The following GRM7 variants were observed in gnomAD, a reference collection of about 807,000 sequenced individuals.
GRM7 encodes glutamate metabotropic receptor 7.
Under a neutral mutation model 84.5 loss-of-function variants are expected in GRM7, and 35 were observed. The observed-to-expected ratio is 0.41, with a 90% CI of 0.32 to 0.55. The LOEUF is 0.55. Among genes scored for constraint, GRM7 ranks in the 20% least tolerant of loss-of-function variants. The pLI is 0.19. For synonymous variants in GRM7, 487 were observed against 455.1 expected (o/e 1.07, Z -0.89); for missense variants, 1,003 against 1,194.6 (o/e 0.84, Z 2.36).
chr3:7,431,728 TTTGGGAGTGTAGAAAACA>T (rs1696837739), intron 5 of GRM7, among the ~76,000 whole-genome samples: 1 of 152,126 alleles, frequency 6.6e-6, no homozygotes, highest in Non-Finnish European at 1.5e-5. Context: ...TGAGGACAGT[TTTGGGAGTGTAGAAAACA>T]TTGCATGAAT....
At chr3:7,464,141 C>G (rs1015775221) in intron 7 of GRM7, among the ~76,000 whole-genome samples, 1 of 152,114 alleles carries the variant, frequency 6.6e-6, no homozygotes. Flanking sequence ...CGGGAAGCCT[C>G]AATATTTGCT....
chr3:6,960,101 A>T (rs891306758), intron 1 of GRM7, among the ~76,000 whole-genome samples: 1 of 152,206 alleles, frequency 6.6e-6, no homozygotes, highest in Non-Finnish European at 1.5e-5. Context: ...TCTAGTGTTA[A>T]ATCAGGCAAA....
Position 7,737,092 on chromosome 3 carries a change from A to G in GRM7, c.2699-3265A>G, listed in dbSNP as rs190564600. Among the ~76,000 whole-genome samples, 433 of 152,298 alleles carry G rather than the reference A, an allele frequency of 2.8e-3. 7 individuals are homozygous for G. Among genetic ancestry groups the G allele is most frequent in the Middle Eastern group, 0.02 (6 of 294 alleles). ...TGTTCCATAGAATGCACTTTGAGGA[A>G]TGAAATTTTTGTAAGACAAAAAAGC... On this transcript the variant is annotated intron_variant, in intron 9 of 9. Transcript: ENST00000357716.
intron 4 of GRM7, among the ~76,000 whole-genome samples, chr3:7,398,681 TGGG>T (rs577996740): frequency 5.3e-5 from 8 of 151,986 alleles, no homozygotes; most frequent in South Asian, 2.1e-4. Context: ...GTGTCGGTGT[TGGG>T]GGGATCAGTG....
chr3:7,210,687 G>T (rs1325689905), intron 2 of GRM7, among the ~76,000 whole-genome samples: 3 of 152,124 alleles, frequency 2.0e-5, no homozygotes, highest in African/African-American at 7.2e-5. Context: ...TCAGGATAAT[G>T]TTCGCCAAGA....
rs1421372440 is a variant in GRM7, at chr3:7,524,343, G to A, written c.1516-54079G>A. ...TGAACAGGTAACCTACAAAATGGGA[G>A]AAAATTTTCGCAACCTACTCATCTG... On this transcript the variant is annotated intron_variant, in intron 7 of 9. Coordinates refer to ENST00000357716, the MANE Select transcript of GRM7 (RefSeq NM_000844.4). Among the ~76,000 whole-genome samples the A allele has an allele frequency of 2.0e-3, 286 of 145,650 alleles. 3 individuals are homozygous for A. Among genetic ancestry groups the A allele is most frequent in the Middle Eastern group, 6.8e-3 (2 of 294 alleles).
At chr3:7,409,631 C>T (rs970560742) in intron 4 of GRM7, among the ~76,000 whole-genome samples, 9 of 151,782 alleles carry the variant, frequency 5.9e-5, no homozygotes, top group Non-Finnish European at 1.3e-4. Context: ...GATGGAGTCC[C>T]GCTCTGTCGC....
intron 5 of GRM7, among the ~76,000 whole-genome samples, chr3:7,430,574 C>T (rs973067718): frequency 6.6e-6 from 1 of 152,166 alleles, no homozygotes; most frequent in Admixed American, 6.5e-5. Flanking sequence ...AGGCACATAC[C>T]GATCTGTGCT....
intron 8 of GRM7, among the ~76,000 whole-genome samples, chr3:7,679,088 G>C (rs1425409820): frequency 6.6e-6 from 1 of 152,186 alleles, no homozygotes; most frequent in Non-Finnish European, 1.5e-5. Flanking sequence ...AGTCCTTTGA[G>C]AGTGTATCAG....
At chr3:7,436,963 G>T (rs370753345) in intron 5 of GRM7, among the ~76,000 whole-genome samples, 2 of 151,760 alleles carry the variant, frequency 1.3e-5, no homozygotes, top group Admixed American at 6.6e-5. Context: ...TATGTTATTT[G>T]CTTTAGTTTT....
At chr3:7,039,206 G>A (rs1696500624) in intron 1 of GRM7, among the ~76,000 whole-genome samples, 1 of 152,174 alleles carries the variant, frequency 6.6e-6, no homozygotes, top group Non-Finnish European at 1.5e-5. Context: ...TGATTGTGGA[G>A]TTTGCATGGT....
At chr3:7,730,945 C>A (rs901361653) in intron 9 of GRM7, among the ~76,000 whole-genome samples, 3 of 152,060 alleles carry the variant, frequency 2.0e-5, no homozygotes, top group Admixed American at 2.0e-4. Context: ...CATCAAAGTA[C>A]CTAGATTTTA....
chr3:7,036,115 A>C (rs1283686594), intron 1 of GRM7, among the ~76,000 whole-genome samples: 1 of 152,214 alleles, frequency 6.6e-6, no homozygotes, highest in Non-Finnish European at 1.5e-5. Context: ...GTATATCTTG[A>C]AGACTCCAAA....
intron 1 of GRM7, among the ~76,000 whole-genome samples, chr3:6,947,886 A>C (rs376549749): frequency 2.0e-5 from 3 of 151,996 alleles, no homozygotes; most frequent in East Asian, 3.9e-4. Flanking sequence ...TATTTCTGTG[A>C]GATTGGTGGT....
chr3:7,206,568 C>G (rs1218776676), intron 2 of GRM7, among the ~76,000 whole-genome samples: 1 of 152,164 alleles, frequency 6.6e-6, no homozygotes, highest in Non-Finnish European at 1.5e-5. Context: ...TTTGACAGTG[C>G]TAACAATGGC....
At chr3:7,585,498 C>A (rs1443211967) in intron 8 of GRM7, among the ~76,000 whole-genome samples, 2 of 152,150 alleles carry the variant, frequency 1.3e-5, no homozygotes, top group Non-Finnish European at 2.9e-5. Context: ...TAAAACTGAA[C>A]TGAGCTAAAA....
At chr3:7,164,042 C>T (rs999031451) in intron 2 of GRM7, among the ~76,000 whole-genome samples, 29 of 152,280 alleles carry the variant, frequency 1.9e-4, no homozygotes, top group Non-Finnish European at 2.2e-4. Context: ...ATTCTTCCAT[C>T]CATGGTTTCT....
intron 1 of GRM7, among the ~76,000 whole-genome samples, chr3:6,917,208 G>A (rs571012888): frequency 5.3e-5 from 8 of 152,020 alleles, no homozygotes; most frequent in Non-Finnish European, 7.4e-5. Context: ...AGCATTTAGC[G>A]TCTATATAAA....
At chr3:7,552,961 G>C (rs560299982) in intron 7 of GRM7, among the ~76,000 whole-genome samples, 1 of 152,152 alleles carries the variant, frequency 6.6e-6, no homozygotes, top group African/African-American at 2.4e-5. Flanking sequence ...TTGTAATCAG[G>C]CTGCAAATTT....
Sources: allele counts gnomAD v4.1 joint callset (sites outside exome capture counted in the v4.1 genomes callset), GRCh38; gene constraint gnomAD v4.1.1; transcripts MANE v1.5; gene names NCBI Gene and HGNC (gene_info 2026-07-23, HGNC 2026-07-21).